KPNB1: variants seen among roughly 807,000 people sequenced by gnomAD.
The protein encoded by KPNB1 is importin subunit beta-1.
A neutral mutation model predicts 113.0 loss-of-function variants in KPNB1; 7 were observed. That is an observed-to-expected ratio of 0.06 (90% confidence interval 0.04 to 0.12). The LOEUF (loss-of-function observed/expected upper bound fraction) is 0.12, where lower values mean the gene tolerates loss of function less well. Among genes scored for constraint, KPNB1 ranks in the 10% least tolerant of loss-of-function variants. The pLI is 1.00. For missense variants in KPNB1, 400 were observed against 1,054.8 expected (o/e 0.38, Z 8.60); for synonymous variants, 363 against 378.6 (o/e 0.96, Z 0.48).
Position 47,650,229 on chromosome 17 carries a change from C to T in KPNB1, c.-16C>T, listed in dbSNP as rs1471294620. 3.2e-6 allele frequency: 5 copies of T among 1,568,288 alleles called. No individual in the cohort carries two copies. The South Asian group carries it at 4.6e-5, about 14-fold the overall frequency. ...CCGTCGTCTTAGGAGGAGTCGCCGC[C>T]GCCGCCACCTCCGCCATGGAGCTGA... On this transcript the variant is annotated 5_prime_UTR_variant, in exon 1 of 22. Transcript: ENST00000290158.
At chr17:47,667,140 G>A (rs1415812100) in intron 9 of KPNB1, among the ~76,000 whole-genome samples, 2 of 151,168 alleles carry the variant, frequency 1.3e-5, no homozygotes, top group Admixed American at 1.3e-4. Flanking sequence ...GGGTGGCGTT[G>A]GGGGGTACAG....
At chr17:47,653,271 A>ATTTTTTTTTTTTT (rs3067142) in intron 3 of KPNB1, among the ~76,000 whole-genome samples, 1 of 109,866 alleles carries the variant, frequency 9.1e-6, no homozygotes, top group Non-Finnish European at 1.8e-5. Context: ...AGCTCAGGGA[A>ATTTTTTTTTTTTT]TTTTTTTTTT....
intron 3 of KPNB1, among the ~76,000 whole-genome samples, chr17:47,655,705 A>G (rs902675841): frequency 6.6e-5 from 10 of 152,206 alleles, no homozygotes; most frequent in African/African-American, 2.4e-4. Context: ...GTCTGTCTAC[A>G]AAACGAGGGT....
intron 4 of KPNB1, among the ~76,000 whole-genome samples, chr17:47,657,899 T>C (rs971448228): frequency 2.9e-4 from 44 of 152,350 alleles, no homozygotes; most frequent in African/African-American, 1.1e-3. Flanking sequence ...TGATACTTTC[T>C]TGAGTGAACT....
intron 7 of KPNB1, 147 bp downstream of exon 7, chr17:47,663,325 G>A (rs995151565): frequency 3.6e-5 from 21 of 577,626 alleles, no homozygotes; most frequent in African/African-American, 3.6e-4. Flanking sequence ...AAGCTCATCA[G>A]TGGTGTGCCA....
At position 47,674,778 on chromosome 17, in the gene KPNB1, G is replaced by A. The variant is rs774583452; in HGVS notation, c.1908G>A (p.Val636=). 5.0e-6 allele frequency: 8 copies of A among 1,608,514 alleles called. No individual in the cohort carries two copies. The highest frequency in any genetic ancestry group is 3.4e-5 in the Admixed American group (2 of 58,240). ...CCCTGATGGCAGTTAGCACACTGGTGGAAGGTCGGTGAGAAATACTGTCTG... is the reference window on the plus strand; with the variant it reads ...CCCTGATGGCAGTTAGCACACTGGTAGAAGGTCGGTGAGAAATACTGTCTG... ...EDALMAVSTL[V]EVLGGEFLKY... Residue 636 remains valine, a synonymous_variant, in exon 15 of 22, where the codon GTG becomes GTA. Transcript: ENST00000290158.
Position 47,650,556 on chromosome 17 carries a change from C to T in KPNB1, c.99+112C>T, listed in dbSNP as rs1487738256. ...GGGAACCTACCCCGCCCCATCCCGT[C>T]CCCCTCCCCCCTCCCCCTCCCCCCC... On this transcript the variant is annotated intron_variant, in intron 2 of 21. Coordinates refer to ENST00000290158, the MANE Select transcript of KPNB1 (RefSeq NM_002265.6). The T allele has an allele frequency of 1.5e-4, 110 of 717,940 alleles. 1 individual carries two copies. The highest frequency in any genetic ancestry group is 2.2e-4 in the Non-Finnish European group (97 of 438,422). The allele number at this position is 717,940 out of a possible 1,614,324, so 44.5% of individuals were successfully genotyped here. A position where few individuals can be genotyped will look rare whatever the true frequency, so the allele number is the denominator to read the frequency against.
At chr17:47,682,274 A>C (rs1016426876) in intron 21 of KPNB1, 130 bp from the exon 22 acceptor site, 1 of 728,466 alleles carries the variant, frequency 1.4e-6, no homozygotes, top group African/African-American at 1.7e-5. Context: ...AAGAAGAAAG[A>C]GTGTCAATCC....
rs866855555 is a variant in KPNB1, at chr17:47,668,489, A to G, written c.1224+79A>G. On this transcript the variant is annotated intron_variant, in intron 10 of 21. Coordinates refer to ENST00000290158, the MANE Select transcript of KPNB1 (RefSeq NM_002265.6). ...AAAGCATATCTTTATTTTTCAAAAC[A>G]AAACTGTAAATTGTCATCTACAAAG... is the stretch of plus-strand genomic sequence containing the variant. 38 of 1,119,532 alleles carry G rather than the reference A, an allele frequency of 3.4e-5. No individual in the cohort carries two copies. In the Middle Eastern group the frequency reaches 4.6e-3, roughly 136 times the overall value. 69.3% of individuals were successfully genotyped at this position (1,119,532 alleles called of 1,614,324 possible).
chr17:47,675,361 G>GTTTTGTT (rs2030567996), intron 15 of KPNB1, among the ~76,000 whole-genome samples: 1 of 88,692 alleles, frequency 1.1e-5, no homozygotes, highest in Non-Finnish European at 2.3e-5. Context: ...CAGAGGTGTT[G>GTTTTGTT]TTTTTTTTTT....
chr17:47,652,699 T>G lies in KPNB1; in HGVS notation c.105T>G (p.Thr35=), dbSNP rs756158963. The change falls in exon 3 of 22, where the codon ACT becomes ACG. Residue 35 remains threonine (T), a synonymous_variant. Coordinates refer to ENST00000290158, the MANE Select transcript of KPNB1 (RefSeq NM_002265.6). ...LERAAVENLP[T]FLVELSRVLA... is the part of the protein sequence containing the mutation. ...AATTTATCTTCCCTTAACAGCCCAC[T>G]TTCCTTGTGGAACTGTCCAGAGTGC... The G allele has an allele frequency of 1.0e-5, 16 of 1,569,970 alleles. No homozygotes were observed. In the East Asian group the frequency reaches 3.0e-4, roughly 29 times the overall value.
intron 16 of KPNB1, among the ~76,000 whole-genome samples, 182 bp from the exon 17 acceptor site, chr17:47,676,838 A>G (rs1409009061): frequency 1.6e-5 from 2 of 127,444 alleles, no homozygotes; most frequent in East Asian, 4.5e-4. Flanking sequence ...TAACTTTATC[A>G]GTGATCTCTC....
At chr17:47,661,213 A>G (rs375412579) in intron 6 of KPNB1, 35 bp downstream of exon 6, 37 of 1,503,572 alleles carry the variant, frequency 2.5e-5, no homozygotes, top group Non-Finnish European at 3.2e-5. Flanking sequence ...TCTGTCTTAC[A>G]TCTTTCTTAG....
rs762644277 is a variant in KPNB1 at position 47,650,354 on chromosome 17, C to T, written c.41-32C>T. On this transcript the variant is annotated intron_variant, in intron 1 of 21. Coordinates refer to ENST00000290158, the MANE Select transcript of KPNB1 (RefSeq NM_002265.6). ...GGGAGGGGAGGCCCGGCCCCTCTGA[C>T]CCCGCTCCGTCTCCCACTTTCCTCC... 5 of 1,610,976 alleles carry T rather than the reference C, an allele frequency of 3.1e-6. No individual in the cohort carries two copies. The South Asian group carries it at 4.4e-5, about 14-fold the overall frequency.
intron 9 of KPNB1, among the ~76,000 whole-genome samples, chr17:47,666,180 G>A (rs771313072): frequency 2.6e-5 from 4 of 151,856 alleles, no homozygotes; most frequent in Non-Finnish European, 4.4e-5. Flanking sequence ...AGCCTCCCCA[G>A]TAGCTGGAAG....
At chr17:47,656,070 A>AT (rs1567887786) in intron 3 of KPNB1, among the ~76,000 whole-genome samples, 2 of 152,090 alleles carry the variant, frequency 1.3e-5, no homozygotes, top group African/African-American at 4.8e-5. Context: ...CCTGGCCAAC[A>AT]TGGTGAAACC....
At chr17:47,671,531 T>A (rs971817363) in intron 12 of KPNB1, among the ~76,000 whole-genome samples, 13 of 150,848 alleles carry the variant, frequency 8.6e-5, no homozygotes, top group Admixed American at 3.3e-4. Flanking sequence ...TATTTTATTT[T>A]ATTAATTAAT....
intron 7 of KPNB1, 151 bp downstream of exon 7, chr17:47,663,329 T>C (rs757816124): frequency 1.4e-5 from 8 of 573,632 alleles, no homozygotes; most frequent in Non-Finnish European, 2.2e-5. Context: ...TCATCAGTGG[T>C]GTGCCAAGAA....
chr17:47,666,233 A>C (rs1168492598), intron 9 of KPNB1, among the ~76,000 whole-genome samples: 2 of 151,668 alleles, frequency 1.3e-5, no homozygotes, highest in Non-Finnish European at 2.9e-5. Context: ...TTATATTTTC[A>C]GTAGAAGCGG....
Sources: gnomAD v4.1 joint callset for allele counts (sites outside exome capture counted in the v4.1 genomes callset) on GRCh38, gnomAD v4.1.1 for gene constraint, MANE v1.5 for transcripts, NCBI Gene and HGNC (gene_info 2026-07-23, HGNC 2026-07-21) for gene names.